Variants in LTBP3 observed in about 807,000 individuals in gnomAD.
LTBP3 encodes the protein latent transforming growth factor beta binding protein 3.
Under a neutral mutation model 159.7 loss-of-function variants are expected in LTBP3, and 97 were observed. That is an observed-to-expected ratio of 0.61 (90% CI 0.52 to 0.72). The LOEUF is 0.72. LTBP3 is among the 30% of genes least tolerant of loss of function. The probability of loss-of-function intolerance (pLI) is 0.00; values close to 1 mark genes in which losing one functional copy is unlikely to be tolerated. For missense variants in LTBP3, 1,584 were observed against 1,864.3 expected, an observed-to-expected ratio of 0.85 and a Z score of 2.77; for synonymous variants, 824 against 777.1, an observed-to-expected ratio of 1.06 and a Z score of -1.00.
Position 65,546,652 on chromosome 11 carries a change from G to A in LTBP3, c.2231-88C>T, listed in dbSNP as rs1021802813. ...GGGGTGTGGGTCTCTTCCCTGGAACGCGGGGTTGAGAGGGCAGCCTCTACT... is the reference window on the plus strand; with the variant it reads ...GGGGTGTGGGTCTCTTCCCTGGAACACGGGGTTGAGAGGGCAGCCTCTACT... On this transcript the variant is annotated intron_variant, in intron 15 of 27. Coordinates refer to ENST00000301873, the MANE Select transcript of LTBP3 (RefSeq NM_001130144.3). The surrounding 1 kb of genome is among the most constrained non-coding windows in gnomAD (Gnocchi z 4.0). 7.0e-6 allele frequency: 11 copies of A among 1,578,078 alleles called. No homozygotes were observed. In the Admixed American group the frequency reaches 1.7e-4, roughly 25 times the overall value.
Position 65,553,681 on chromosome 11 carries a change from C to T in LTBP3, c.864+20G>A. ...ACCCTGAGAGAAGGAAAGGCAGATC[C>T]CGACTGTGGATTCACTCACCGGCTG... is the stretch of plus-strand genomic sequence containing the variant. On this transcript the variant is annotated intron_variant, in intron 3 of 27. Transcript: ENST00000301873. This position sits in a 1 kb window ranked among gnomAD's most constrained non-coding sequence, Gnocchi z 6.5. The T allele has an allele frequency of 6.4e-7, 1 of 1,565,800 alleles. No individual in the cohort carries two copies. The highest frequency in any genetic ancestry group is 8.6e-7 in the Non-Finnish European group (1 of 1,162,814).
Position 65,538,920 on chromosome 11 carries a change from G to C in LTBP3, c.*160C>G, listed in dbSNP as rs936493177. The C allele has an allele frequency of 1.0e-5, 13 of 1,275,272 alleles. No individual in the cohort carries two copies. Among genetic ancestry groups the C allele is most frequent in the African/African-American group, 7.9e-5 (5 of 63,496 alleles). The allele number at this position is 1,275,272 out of a possible 1,614,324, so 79.0% of individuals were successfully genotyped here. ...TTACAACCGCCCGCTAACCGGGGAG[G>C]GGGGCCGGTAGGGGCGCCTCGGGTC... On this transcript the variant is annotated 3_prime_UTR_variant, in exon 28 of 28. Coordinates refer to ENST00000301873, the MANE Select transcript of LTBP3 (RefSeq NM_001130144.3).
chr11:65,541,753 G>A, intron 18 of LTBP3, 25 bp from the exon 19 acceptor site: 2 of 1,613,534 alleles, frequency 1.2e-6, no homozygotes, highest in Non-Finnish European at 1.7e-6. Flanking sequence ...TAGCGCAGCT[G>A]GAAACCCAGC....
At chr11:65,540,180 GGCC>G in intron 23 of LTBP3, 27 bp from the exon 24 acceptor site, 1 of 1,538,058 alleles carries the variant, frequency 6.5e-7, no homozygotes, top group Non-Finnish European at 8.7e-7. Context: ...GGTGGGTGGG[GGCC>G]GTCACAGCTC....
At position 65,540,524 on chromosome 11, in the gene LTBP3, T is replaced by C. The variant is rs556358354; in HGVS notation, c.3068A>G (p.Gln1023Arg). 1.1e-5 allele frequency: 18 copies of C among 1,613,858 alleles called. 1 individual carries two copies. The South Asian group carries it at 1.9e-4, about 17-fold the overall frequency. The change falls in exon 22 of 28, where the codon CAG becomes CGG. Residue 1023 changes from glutamine to arginine, a missense_variant. Around this residue, in one of 6 missense-constraint regions of LTBP3, gnomAD observed 514 missense variants for 530.3 expected, o/e 0.97. Transcript: ENST00000301873. The stretch of plus-strand genomic sequence containing the variant: ...CAGGTTCCCGTCGTAGTAGAAGCCC[T>C]GCTTGCAGTAGCACTCGTAGCCAGG... ...TQPGYECYCK[Q>R]GFYYDGNLLE... is the part of the protein sequence containing the mutation.
Position 65,541,307 on chromosome 11 carries a change from G to T in LTBP3, c.2726-14C>A. 1 of 1,607,512 alleles carries T rather than the reference G, an allele frequency of 6.2e-7. No homozygotes were observed. On this transcript the variant is annotated splice_polypyrimidine_tract_variant and intron_variant, in intron 19 of 27. Transcript: ENST00000301873. ...GCTGCTCCACCTCTGAGGGGCAGAC[G>T]GCAGCTCAGGGTTGTGCACAGACCC...
At position 65,557,881 on chromosome 11, in the gene LTBP3, G is replaced by GCAGCAA; in HGVS notation, c.78_79insTTGCTG (p.Leu34_Leu35dup). 1 of 1,308,772 alleles carries GCAGCAA rather than the reference G, an allele frequency of 7.6e-7. No homozygotes were observed. Among genetic ancestry groups the GCAGCAA allele is most frequent in the Non-Finnish European group, 9.8e-7 (1 of 1,020,036 alleles). 81.1% of individuals were successfully genotyped at this position (1,308,772 alleles called of 1,614,324 possible). A position where few individuals can be genotyped will look rare whatever the true frequency, so the allele number is the denominator to read the frequency against. On this transcript the variant is annotated inframe_insertion, in exon 1 of 28. Transcript: ENST00000301873. ...AGCAGCAGCAGCAGCAGCAGCAGCA[G>GCAGCAA]CAGCGCCAGCAGCCCCGCCGCCCCC...
At chr11:65,557,574 C>T in intron 1 of LTBP3, 55 bp downstream of exon 1, 1 of 1,600,386 alleles carries the variant, frequency 6.2e-7, no homozygotes, top group African/African-American at 1.3e-5. Context: ...CTAGCTCTCC[C>T]ACCGGGCCTG....
rs1394582012 is a variant in LTBP3, at chr11:65,540,508, G to A, written c.3084C>T (p.Asp1028=). The change falls in exon 22 of 28, where the codon GAC becomes GAT. Residue 1028 remains aspartate, a synonymous_variant. Transcript: ENST00000301873. ...ECYCKQGFYY[D]GNLLECVDVD... ...CACCCACGCATTCCAGCAGGTTCCCGTCGTAGTAGAAGCCCTGCTTGCAGT... is the reference window on the plus strand; with the variant it reads ...CACCCACGCATTCCAGCAGGTTCCCATCGTAGTAGAAGCCCTGCTTGCAGT... 3.7e-6 allele frequency: 6 copies of A among 1,613,768 alleles called. No homozygotes were observed. Among genetic ancestry groups the A allele is most frequent in the Non-Finnish European group, 4.2e-6 (5 of 1,179,896 alleles).
Position 65,539,156 on chromosome 11 carries a change from G to A in LTBP3, c.3836C>T (p.Ser1279Phe). The part of the protein sequence containing the change: ...KSERCVNTSG[S>F]FRCVCKAGFA... ...GCCGGCTTTGCAGACGCAGCGGAAG[G>A]AGCCGCTGGTGTTCACGCAGCGCTC... Residue 1279 changes from serine to phenylalanine, a missense_variant, in exon 28 of 28, where the codon TCC becomes TTC. Around this residue, in one of 6 missense-constraint regions of LTBP3, gnomAD observed 514 missense variants for 530.3 expected, o/e 0.97. Transcript: ENST00000301873. 6.7e-7 allele frequency: 1 copy of A among 1,501,098 alleles called. No homozygotes were observed. Among genetic ancestry groups the A allele is most frequent in the Non-Finnish European group, 8.9e-7 (1 of 1,120,638 alleles). The allele number at this position is 1,501,098 out of a possible 1,614,324, so 93.0% of individuals were successfully genotyped here. A position where few individuals can be genotyped will look rare whatever the true frequency, so the allele number is the denominator to read the frequency against.
At chr11:65,540,223 C>G (rs946075770) in intron 23 of LTBP3, 22 bp downstream of exon 23, 3 of 1,548,110 alleles carry the variant, frequency 1.9e-6, no homozygotes, top group Admixed American at 2.0e-5. Flanking sequence ...CCGCGTACCC[C>G]ACTCCCCGGC....
chr11:65,550,173 G>T (rs1856550041), intron 11 of LTBP3, among the ~76,000 whole-genome samples: 1 of 152,170 alleles, frequency 6.6e-6, no homozygotes, highest in Non-Finnish European at 1.5e-5. Context: ...ACTTTGGGAG[G>T]CCAAGTCGGG....
Position 65,540,375 on chromosome 11 carries a change from G to A in LTBP3, c.3114C>T (p.Asp1038=), listed in dbSNP as rs752096078. The stretch of plus-strand genomic sequence containing the variant: ...GGCAGTTGGACTCGTCCAGGCACTC[G>A]TCCACGTCTGCAGGGAGGAAAAGCG... ...DGNLLECVDV[D]ECLDESNCRN... The change falls in exon 23 of 28, where the codon GAC becomes GAT. Residue 1038 remains aspartate, a synonymous_variant. Coordinates refer to ENST00000301873, the MANE Select transcript of LTBP3 (RefSeq NM_001130144.3). 3.8e-6 allele frequency: 6 copies of A among 1,598,666 alleles called. No individual in the cohort carries two copies. The highest frequency in any genetic ancestry group is 3.5e-5 in the Admixed American group (2 of 56,372).
intron 1 of LTBP3, among the ~76,000 whole-genome samples, chr11:65,555,140 CTCCCTAG>C (rs1253102875): frequency 6.6e-6 from 1 of 152,188 alleles, no homozygotes; most frequent in African/African-American, 2.4e-5. Context: ...GCCTCCCCTC[CTCCCTAG>C]GGCCACTGCT....
Position 65,539,076 on chromosome 11 carries a change from G to A in LTBP3, c.*4C>T, listed in dbSNP as rs1349946187. 7 of 1,381,808 alleles carry A rather than the reference G, an allele frequency of 5.1e-6. No homozygotes were observed. The African/African-American group carries it at 9.3e-5, about 18-fold the overall frequency. The allele number at this position is 1,381,808 out of a possible 1,614,324, so 85.6% of individuals were successfully genotyped here. The stretch of plus-strand genomic sequence containing the variant: ...GGTCTGGGCCGAGGGCGGCGTCGGC[G>A]GCGTCAGCGGCGGCGCTGGGGAACG... On this transcript the variant is annotated 3_prime_UTR_variant, in exon 28 of 28. Coordinates refer to ENST00000301873, the MANE Select transcript of LTBP3 (RefSeq NM_001130144.3).
At position 65,553,468 on chromosome 11, in the gene LTBP3, A is replaced by G. The variant is rs369554318; in HGVS notation, c.927T>C (p.Thr309=). The change falls in exon 4 of 28, where the codon ACT becomes ACC. Residue 309 remains threonine (T), a synonymous_variant. Coordinates refer to ENST00000301873, the MANE Select transcript of LTBP3 (RefSeq NM_001130144.3). The surrounding 1 kb of genome is among the most constrained non-coding windows in gnomAD (Gnocchi z 6.5). Reference sequence around the variant, plus strand: ...TGTGGCACTTGCTCTGGCCCCAGGCAGTGCCGATGCTACCGCAGCAGTCTT... The same window carrying G: ...TGTGGCACTTGCTCTGGCCCCAGGCGGTGCCGATGCTACCGCAGCAGTCTT... ...KQEDCCGSIG[T]AWGQSKCHKC... is the part of the protein sequence containing the mutation. 4.0e-5 allele frequency: 64 copies of G among 1,612,050 alleles called. No individual in the cohort carries two copies. In the African/African-American group the frequency reaches 8.0e-4, roughly 20 times the overall value.
intron 11 of LTBP3, 71 bp downstream of exon 11, chr11:65,551,055 C>T (rs1334952016): frequency 2.0e-5 from 25 of 1,242,328 alleles, no homozygotes; most frequent in Non-Finnish European, 2.7e-5. Flanking sequence ...TGCCTGGGGG[C>T]GGGAGGGAGG....
At chr11:65,541,454 G>T (rs1163610929) in intron 19 of LTBP3, 146 bp downstream of exon 19, 2 of 1,445,162 alleles carry the variant, frequency 1.4e-6, no homozygotes, top group Non-Finnish European at 1.9e-6. Context: ...ACCCTTCATC[G>T]TCTGGCCCCA....
chr11:65,548,433 C>T (rs918711767), intron 11 of LTBP3: 2 of 452,476 alleles, frequency 4.4e-6, no homozygotes, highest in African/African-American at 3.9e-5. Flanking sequence ...AACTCTATAG[C>T]CTCGGTCACA....
Sources: allele counts gnomAD v4.1 joint callset (sites outside exome capture counted in the v4.1 genomes callset), GRCh38; gene constraint gnomAD v4.1.1; regional missense constraint gnomAD v4.1.1; non-coding constraint Gnocchi (gnomAD v3.1); transcripts MANE v1.5; gene names NCBI Gene and HGNC (gene_info 2026-07-23, HGNC 2026-07-21).